Variants in LGI2 observed in about 807,000 individuals in gnomAD.
LGI2 encodes the protein leucine rich repeat LGI family member 2.
In LGI2, 30 loss-of-function variants were observed where a neutral mutation model predicts 52.0. The ratio of observed to expected loss-of-function variants is 0.58; its 90% CI spans 0.43 to 0.78. The LOEUF is 0.78. Ranked by LOEUF, LGI2 falls within the 30% of genes least tolerant of loss-of-function variation. LGI2 has a pLI of 0.00. For missense variants in LGI2, 573 were observed against 692.5 expected (o/e 0.83, Z 1.94); for synonymous variants, 270 against 271.8 (o/e 0.99, Z 0.06).
chr4:24,993,695 C>T, the LGI2 span, among the ~76,000 whole-genome samples: 2 of 152,182 alleles, frequency 1.3e-5, no homozygotes, highest in Non-Finnish European at 2.9e-5. Flanking sequence ...TTTTCCTTTA[C>T]AAATGTCCAT....
At chr4:25,030,387 C>T in intron 1 of LGI2, 110 bp downstream of exon 1, 1 of 1,180,566 alleles carries the variant, frequency 8.5e-7, no homozygotes, top group Non-Finnish European at 1.2e-6. Flanking sequence ...AAAGAAGGGG[C>T]CTGGGGAGTG....
At position 25,030,551 on chromosome 4, in the gene LGI2, A is replaced by G. The variant is rs1169534955; in HGVS notation, c.143T>C (p.Ile48Thr). Residue 48 changes from isoleucine (I) to threonine (T), a missense_variant, in exon 1 of 8, where the codon ATC becomes ACC. By Grantham distance (89) the Ile-to-Thr change is moderately conservative. Coordinates refer to ENST00000382114, the MANE Select transcript of LGI2 (RefSeq NM_018176.4). Reference protein sequence around the residue: ...ATCSCTKESIICVGSSWVPRI... With the variant: ...ATCSCTKESITCVGSSWVPRI... ...GGGCACCCAGGAAGAGCCCACGCAG[A>G]TGATAGACTCCTTGGTACAGCTGCA... The G allele has an allele frequency of 7.5e-6, 12 of 1,595,750 alleles. No homozygotes were observed. The highest frequency in any genetic ancestry group is 1.0e-5 in the Non-Finnish European group (12 of 1,172,942).
At position 24,999,851 on chromosome 4, in the gene LGI2, C is replaced by T. The variant is rs752111138; in HGVS notation, c.*3600G>A. 36 of 456,220 alleles carry T rather than the reference C, an allele frequency of 7.9e-5. No individual in the cohort carries two copies. The highest frequency in any genetic ancestry group is 5.4e-4 in the South Asian group (35 of 64,536). The allele number at this position is 456,220 out of a possible 1,614,324, so 28.3% of individuals were successfully genotyped here. ...CTGATGACGGCCGAGAGCAATTCAT[C>T]ACCACTCGTGCATTCAGGTTTTGAA... On this transcript the variant is annotated 3_prime_UTR_variant, in exon 8 of 8. Coordinates refer to ENST00000382114, the MANE Select transcript of LGI2 (RefSeq NM_018176.4).
intron 6 of LGI2, among the ~76,000 whole-genome samples, chr4:25,016,110 G>T (rs908927800): frequency 6.6e-6 from 1 of 151,746 alleles, no homozygotes; most frequent in South Asian, 2.1e-4. Context: ...GGTTACCTCA[G>T]TTCCAAGCTA....
intron 4 of LGI2, among the ~76,000 whole-genome samples, chr4:25,021,570 TC>T (rs1297670472): frequency 1.3e-5 from 2 of 152,166 alleles, no homozygotes; most frequent in Non-Finnish European, 2.9e-5. Context: ...GTGAATTGAT[TC>T]ATTCTTTACA....
chr4:25,017,895 A>T, intron 6 of LGI2, 94 bp downstream of exon 6: 1 of 1,099,252 alleles, frequency 9.1e-7, no homozygotes, highest in Non-Finnish European at 1.2e-6. Flanking sequence ...AAACAGTTCT[A>T]TATTCACTTT....
intron 7 of LGI2, among the ~76,000 whole-genome samples, chr4:25,008,613 T>C (rs951724666): frequency 6.6e-6 from 1 of 150,818 alleles, no homozygotes; most frequent in Non-Finnish European, 1.5e-5. Flanking sequence ...ACAATGCTGA[T>C]CCCATTTTAC....
intron 2 of LGI2, 32 bp from the exon 3 acceptor site, chr4:25,026,971 A>T (rs1441479609): frequency 2.0e-6 from 3 of 1,530,420 alleles, no homozygotes; most frequent in African/African-American, 1.4e-5. Context: ...CAATGGAGAG[A>T]TGTAAAACTT....
intron 7 of LGI2, among the ~76,000 whole-genome samples, chr4:25,005,825 G>A (rs1725378027): frequency 6.6e-6 from 1 of 152,134 alleles, no homozygotes; most frequent in African/African-American, 2.4e-5. Flanking sequence ...AGGTGGCCTA[G>A]GGTTCAAAGC....
intron 4 of LGI2, among the ~76,000 whole-genome samples, chr4:25,022,696 C>T (rs1726011196): frequency 6.6e-6 from 1 of 152,194 alleles, no homozygotes; most frequent in Non-Finnish European, 1.5e-5. Context: ...TAAGTCCATG[C>T]ACCCGAGGAC....
At chr4:25,006,131 G>T (rs776905478) in intron 7 of LGI2, among the ~76,000 whole-genome samples, 1 of 152,236 alleles carries the variant, frequency 6.6e-6, no homozygotes, top group Non-Finnish European at 1.5e-5. Flanking sequence ...AGTATCTAAA[G>T]AAGGAGCAAT....
chr4:24,995,620 A>C (rs528762417), downstream of LGI2, among the ~76,000 whole-genome samples: 9 of 152,310 alleles, frequency 5.9e-5, no homozygotes, highest in South Asian at 1.0e-3. Context: ...TGAGCAGTCC[A>C]AGACCTATTC....
Position 25,003,930 on chromosome 4 carries a change from G to A in LGI2, c.1159C>T (p.Leu387Phe). The A allele has an allele frequency of 1.2e-6, 2 of 1,614,180 alleles. No individual in the cohort carries two copies. Among genetic ancestry groups the A allele is most frequent in the Non-Finnish European group, 8.5e-7 (1 of 1,180,034 alleles). ...EFVDIDGKSH[L>F]ILSSRSQVPI... ...ACCTGGGAGCGGCTGGACAGGATGA[G>A]ATGCGATTTTCCATCGATATCAACA... Residue 387 changes from leucine (L) to phenylalanine (F), a missense_variant, in exon 8 of 8, where the codon CTC (leucine) becomes TTC (phenylalanine). Physicochemically the swap from Leu to Phe is conservative, Grantham distance 22. Transcript: ENST00000382114.
chr4:25,022,411 A>G (rs1255972700), intron 4 of LGI2, among the ~76,000 whole-genome samples: 4 of 152,202 alleles, frequency 2.6e-5, no homozygotes, highest in South Asian at 2.1e-4. Context: ...GAAGACACTC[A>G]GAGAAATGAG....
At chr4:25,015,450 G>C (rs1472729764) in intron 6 of LGI2, among the ~76,000 whole-genome samples, 1 of 152,138 alleles carries the variant, frequency 6.6e-6, no homozygotes, top group Non-Finnish European at 1.5e-5. Context: ...ACCTGAAACA[G>C]CCCAATGGTG....
rs1726307391 is a variant in LGI2 at position 25,030,591 on chromosome 4, G to C, written c.103C>G (p.Arg35Gly). 7 of 1,566,406 alleles carry C rather than the reference G, an allele frequency of 4.5e-6. No homozygotes were observed. The highest frequency in any genetic ancestry group is 6.0e-6 in the Non-Finnish European group (7 of 1,157,494). The change falls in exon 1 of 8, where the codon CGC becomes GGC. Residue 35 changes from arginine (R) to glycine (G), a missense_variant. By Grantham distance (125) the Arg-to-Gly change is moderately radical (BLOSUM62 -2). Coordinates refer to ENST00000382114, the MANE Select transcript of LGI2 (RefSeq NM_018176.4). ...GTACAGCTGCAAGTGGCGGGGCAGC[G>C]CGCCAGCCGCCTCACCTGCGCGCTC... is the stretch of plus-strand genomic sequence containing the variant. Reference protein sequence around the residue: ...PRSAQVRRLARCPATCSCTKE... With the variant: ...PRSAQVRRLAGCPATCSCTKE...
the LGI2 span, among the ~76,000 whole-genome samples, chr4:24,992,706 G>C: frequency 1.3e-5 from 2 of 152,072 alleles, no homozygotes; most frequent in African/African-American, 2.4e-5. Flanking sequence ...AAAAGGCTGG[G>C]ATTAGACAGC....
rs1292838707 is a variant in LGI2 at position 25,024,905 on chromosome 4, T to C, written c.342-14A>G. 1 of 1,562,360 alleles carries C rather than the reference T, an allele frequency of 6.4e-7. No individual in the cohort carries two copies. The highest frequency in any genetic ancestry group is 8.7e-7 in the Non-Finnish European group (1 of 1,152,962). ...CCTTCAATGAACCTAAGAGGAAAAGTTGTATAATTAAAATGAATTTTCTCT... is the reference window on the plus strand; with the variant it reads ...CCTTCAATGAACCTAAGAGGAAAAGCTGTATAATTAAAATGAATTTTCTCT... On this transcript the variant is annotated splice_polypyrimidine_tract_variant and intron_variant, in intron 3 of 7. Coordinates refer to ENST00000382114, the MANE Select transcript of LGI2 (RefSeq NM_018176.4).
At chr4:25,024,523 A>C (rs1347558975) in intron 4 of LGI2, among the ~76,000 whole-genome samples, 1 of 152,142 alleles carries the variant, frequency 6.6e-6, no homozygotes, top group African/African-American at 2.4e-5. Flanking sequence ...CAAAAAAAAA[A>C]ATTTCTTCCC....
Sources: allele counts gnomAD v4.1 joint callset (sites outside exome capture counted in the v4.1 genomes callset), GRCh38; gene constraint gnomAD v4.1.1; transcripts MANE v1.5; gene names NCBI Gene and HGNC (gene_info 2026-07-23, HGNC 2026-07-21).